NCOA2: variants seen among roughly 807,000 people sequenced by gnomAD.
NCOA2 encodes the protein class E basic helix-loop-helix protein 75.
A neutral mutation model predicts 145.1 loss-of-function variants in NCOA2; 21 were observed. The observed-to-expected ratio is 0.14, with a 90% CI of 0.10 to 0.21. The LOEUF is 0.21. Ranked by LOEUF, NCOA2 falls within the 10% of genes least tolerant of loss-of-function variation. The pLI, the probability that NCOA2 is intolerant of heterozygous loss-of-function variation, is 1.00. For missense variants in NCOA2, 1,472 were observed against 1,837.6 expected (o/e 0.80, Z 3.64); for synonymous variants, 619 against 637.5 (o/e 0.97, Z 0.44).
At chr8:70,363,273 C>G (rs956347323) in intron 1 of NCOA2, among the ~76,000 whole-genome samples, 1 of 151,494 alleles carries the variant, frequency 6.6e-6, no homozygotes, top group East Asian at 1.9e-4. Flanking sequence ...GTCCCAGCTA[C>G]TCGGGAGGCT....
At chr8:70,343,787 G>GGTGATGAA (rs1186644746) in intron 1 of NCOA2, among the ~76,000 whole-genome samples, 1 of 151,294 alleles carries the variant, frequency 6.6e-6, no homozygotes, top group Admixed American at 6.6e-5. Context: ...CTCTAGCCTG[G>GGTGATGAA]GTGATGAAGC....
At chr8:70,168,712 A>G (rs1002848661) in intron 6 of NCOA2, among the ~76,000 whole-genome samples, 1 of 152,256 alleles carries the variant, frequency 6.6e-6, no homozygotes, top group Non-Finnish European at 1.5e-5. Flanking sequence ...AGTCAGATTA[A>G]TAAGTTGAAA....
intron 2 of NCOA2, among the ~76,000 whole-genome samples, chr8:70,250,995 C>G (rs569521789): frequency 6.6e-6 from 1 of 152,202 alleles, no homozygotes; most frequent in Non-Finnish European, 1.5e-5. Context: ...AGTAATACTG[C>G]CCATTTGAAT....
chr8:70,171,629 G>T (rs142785465), intron 5 of NCOA2, among the ~76,000 whole-genome samples: 2 of 152,254 alleles, frequency 1.3e-5, no homozygotes, highest in Admixed American at 6.5e-5. Flanking sequence ...CAGGGCCATG[G>T]GGTCTAGTCA....
intron 2 of NCOA2, among the ~76,000 whole-genome samples, chr8:70,286,164 G>C (rs1191686844): frequency 6.6e-6 from 1 of 152,126 alleles, no homozygotes; most frequent in African/African-American, 2.4e-5. Flanking sequence ...TGTAATCCCA[G>C]TGCTTTGGGA....
intron 10 of NCOA2, 31 bp from the exon 11 acceptor site, chr8:70,157,271 A>T: frequency 6.7e-7 from 1 of 1,498,430 alleles, no homozygotes; most frequent in Non-Finnish European, 8.9e-7. Flanking sequence ...AAAATGTAAG[A>T]TAAAAGGAAA....
chr8:70,257,672 G>T (rs1823746574), intron 2 of NCOA2, among the ~76,000 whole-genome samples: 1 of 151,900 alleles, frequency 6.6e-6, no homozygotes, highest in South Asian at 2.1e-4. Flanking sequence ...AATGCCATAG[G>T]GTCACTGGCC....
chr8:70,323,845 T>C (rs1311180728), intron 1 of NCOA2, among the ~76,000 whole-genome samples: 2 of 152,156 alleles, frequency 1.3e-5, no homozygotes, highest in Non-Finnish European at 2.9e-5. Context: ...AAGAATAATA[T>C]GTATATACAA....
chr8:70,351,190 CCT>C (rs1007366963), intron 1 of NCOA2, among the ~76,000 whole-genome samples: 8 of 152,310 alleles, frequency 5.3e-5, no homozygotes, highest in African/African-American at 1.9e-4. Context: ...TAAATTTCAA[CCT>C]GAGTTTTAGA....
intron 2 of NCOA2, among the ~76,000 whole-genome samples, chr8:70,292,110 A>G (rs559077089): frequency 1.4e-3 from 211 of 151,228 alleles, no homozygotes; most frequent in Non-Finnish European, 2.6e-3. Flanking sequence ...AGGGAGACAT[A>G]TAATTCAGAA....
rs1819492169 is a variant in NCOA2 at position 70,215,319 on chromosome 8, C to CCCCAGAGGGAGT, written c.87-1245_87-1244insACTCCCTCTGGG. ...GAGTTGTGTTCAAAAGACCCCTGAG[C>CCCCAGAGGGAGT]GCCCCAGAGGGAGGGCTCAGAGACC... On this transcript the variant is annotated intron_variant, in intron 3 of 22. Transcript: ENST00000452400. 3.9e-5 allele frequency among the ~76,000 whole-genome samples: 6 copies of CCCCAGAGGGAGT among 152,022 alleles called. No homozygotes were observed. The South Asian group carries it at 1.2e-3, about 32-fold the overall frequency.
At chr8:70,421,398 A>G in the NCOA2 span, among the ~76,000 whole-genome samples, 1 of 152,026 alleles carries the variant, frequency 6.6e-6, no homozygotes, top group Admixed American at 6.6e-5. Flanking sequence ...CAAGAAAAGA[A>G]CACAAAACAA....
chr8:70,181,572 G>T (rs986813974), intron 4 of NCOA2, among the ~76,000 whole-genome samples: 1 of 152,198 alleles, frequency 6.6e-6, no homozygotes, highest in African/African-American at 2.4e-5. Flanking sequence ...GGTCAAGCCT[G>T]AGGAGAGTTG....
In NCOA2 at chr8:70,148,438, G is replaced by C. The variant is rs987469909; in HGVS notation, c.2440C>G (p.Gln814Glu). ...DNLEEILDDL[Q>E]NSQLPQLFPD... ...AAAAGCTGTGGTAATTGACTATTCTGCAAATCATCCAAAATCTCCTCCAAG... is the reference window on the plus strand; with the variant it reads ...AAAAGCTGTGGTAATTGACTATTCTCCAAATCATCCAAAATCTCCTCCAAG... The change falls in exon 12 of 23, where the codon CAG becomes GAG. Residue 814 changes from glutamine (Q) to glutamate (E), a missense_variant. Around this residue, in one of 4 missense-constraint regions of NCOA2, gnomAD observed 953 missense variants for 1,062.1 expected, o/e 0.90. Coordinates refer to ENST00000452400, the MANE Select transcript of NCOA2 (RefSeq NM_006540.4). The C allele has an allele frequency of 3.1e-6, 5 of 1,613,596 alleles. No individual in the cohort carries two copies. The highest frequency in any genetic ancestry group is 4.2e-6 in the Non-Finnish European group (5 of 1,179,882).
the NCOA2 span, among the ~76,000 whole-genome samples, chr8:70,418,025 A>G: frequency 6.6e-6 from 1 of 152,188 alleles, no homozygotes; most frequent in Non-Finnish European, 1.5e-5. Context: ...AGACCTCTAG[A>G]TTAGCAGCAT....
intron 13 of NCOA2, among the ~76,000 whole-genome samples, chr8:70,142,955 T>G (rs1190626086): frequency 1.5e-5 from 2 of 137,220 alleles, no homozygotes; most frequent in Non-Finnish European, 3.2e-5. Context: ...GTTTTTTTTG[T>G]TTTTTTTTTT....
Position 70,170,296 on chromosome 8 carries a change from A to G in NCOA2, c.447T>C (p.Tyr149=). 1 of 1,610,410 alleles carries G rather than the reference A, an allele frequency of 6.2e-7. No individual in the cohort carries two copies. The highest frequency in any genetic ancestry group is 8.5e-7 in the Non-Finnish European group (1 of 1,178,270). Residue 149 remains tyrosine, a synonymous_variant, in exon 6 of 23, where the codon TAT becomes TAC. Transcript: ENST00000452400. ...VSENVTQYLR[Y]NQEELMNKSV... is the part of the protein sequence containing the mutation. ...TTTTGTTCATCAGCTCTTCTTGGTTATACCTTAGATACTGTGTCACATTCT... is the reference window on the plus strand; with the variant it reads ...TTTTGTTCATCAGCTCTTCTTGGTTGTACCTTAGATACTGTGTCACATTCT...
At chr8:70,386,796 T>C (rs1348612533) in intron 1 of NCOA2, among the ~76,000 whole-genome samples, 3 of 152,214 alleles carry the variant, frequency 2.0e-5, no homozygotes, top group African/African-American at 4.8e-5. Context: ...CAAGTGTTAT[T>C]ATCCCCATCC....
intron 1 of NCOA2, among the ~76,000 whole-genome samples, chr8:70,373,506 T>G (rs926584792): frequency 2.0e-5 from 3 of 152,244 alleles, no homozygotes; most frequent in African/African-American, 7.2e-5. Context: ...CCTTTTCATT[T>G]TCTTAACAGC....
Sources: gnomAD v4.1 joint callset for allele counts (sites outside exome capture counted in the v4.1 genomes callset) on GRCh38, gnomAD v4.1.1 for gene constraint, gnomAD v4.1.1 regional missense constraint, MANE v1.5 for transcripts, NCBI Gene and HGNC (gene_info 2026-07-23, HGNC 2026-07-21) for gene names.